CDH17: variants seen among roughly 807,000 people sequenced by gnomAD.
CDH17 encodes the protein cadherin 17, also known as cadherin-17.
Under a neutral mutation model 86.3 loss-of-function variants are expected in CDH17, and 67 were observed. That is an observed-to-expected ratio of 0.78 (90% CI 0.64 to 0.95). The LOEUF (loss-of-function observed/expected upper bound fraction) is 0.95, where lower values mean the gene tolerates loss of function less well. Ranked by LOEUF, CDH17 falls within the 40% of genes least tolerant of loss-of-function variation. The pLI, the probability that CDH17 is intolerant of heterozygous loss-of-function variation, is 0.00. For missense variants in CDH17, 993 were observed against 1,017.6 expected, an observed-to-expected ratio of 0.98 and a Z score of 0.33; for synonymous variants, 367 against 366.4, an observed-to-expected ratio of 1.00 and a Z score of -0.02.
intron 5 of CDH17, among the ~76,000 whole-genome samples, 162 bp downstream of exon 5, chr8:94,176,379 T>C (rs78646891): frequency 0.012 from 1,845 of 152,270 alleles, 24 homozygotes; most frequent in East Asian, 0.031. Context: ...GAGACCATGC[T>C]CTGGAGCAAT....
chr8:94,215,451 C>CA (rs1814178988), intron 1 of CDH17, among the ~76,000 whole-genome samples: 3 of 152,164 alleles, frequency 2.0e-5, no homozygotes, highest in African/African-American at 7.2e-5. Flanking sequence ...AGTCCATAGA[C>CA]AGAGAAAGAA....
intron 15 of CDH17, 46 bp downstream of exon 15, chr8:94,145,882 T>TTCATCATCCATCTATGTTTTTTTCCA: frequency 6.3e-7 from 1 of 1,578,262 alleles, no homozygotes; most frequent in East Asian, 2.2e-5. Context: ...AAAACCTACT[T>TTCATCATCCATCTATGTTTTTTTCCA]TCATCATCCA....
At chr8:94,133,135 G>A (rs1388418510) in intron 15 of CDH17, among the ~76,000 whole-genome samples, 1 of 152,156 alleles carries the variant, frequency 6.6e-6, no homozygotes, top group Non-Finnish European at 1.5e-5. Context: ...GCTTAGGATT[G>A]TCTTGGCAAT....
chr8:94,172,844 A>T (rs1813295696), intron 7 of CDH17, among the ~76,000 whole-genome samples: 1 of 152,056 alleles, frequency 6.6e-6, no homozygotes, highest in African/African-American at 2.4e-5. Context: ...ATCTGAACGG[A>T]GGGGAGAGGC....
intron 15 of CDH17, among the ~76,000 whole-genome samples, chr8:94,137,403 G>A (rs1812550734): frequency 6.6e-6 from 1 of 152,156 alleles, no homozygotes; most frequent in Middle Eastern, 3.2e-3. Context: ...AGACTGCTGT[G>A]CTAACAGTGA....
intron 15 of CDH17, among the ~76,000 whole-genome samples, chr8:94,138,050 T>G (rs1285104163): frequency 1.3e-5 from 2 of 152,100 alleles, no homozygotes; most frequent in African/African-American, 4.8e-5. Context: ...ATATTATACC[T>G]GGTTTTCAGG....
intron 3 of CDH17, 138 bp from the exon 4 acceptor site, chr8:94,177,859 C>A (rs937682390): frequency 1.7e-5 from 13 of 777,750 alleles, no homozygotes; most frequent in South Asian, 5.5e-5. Context: ...TAAAGTGGTA[C>A]CTTCTAAAAG....
chr8:94,168,145 TATATA>T (rs1813200080), intron 9 of CDH17, among the ~76,000 whole-genome samples: 1 of 104,352 alleles, frequency 9.6e-6, no homozygotes, highest in Non-Finnish European at 2.0e-5. Context: ...TATATATATA[TATATA>T]TATATATTTG....
intron 14 of CDH17, among the ~76,000 whole-genome samples, chr8:94,146,429 C>T (rs923099950): frequency 6.6e-6 from 1 of 152,228 alleles, no homozygotes; most frequent in Non-Finnish European, 1.5e-5. Flanking sequence ...AGTTGTGTAA[C>T]TTGCCCAAGG....
chr8:94,201,354 C>G (rs1813908318), intron 1 of CDH17, among the ~76,000 whole-genome samples: 1 of 152,192 alleles, frequency 6.6e-6, no homozygotes, highest in South Asian at 2.1e-4. Flanking sequence ...AACTTCCAAG[C>G]ACCTCAGAAT....
intron 1 of CDH17, among the ~76,000 whole-genome samples, chr8:94,199,072 TA>T (rs1413053833): frequency 0.087 from 1,532 of 17,586 alleles, 14 homozygotes; most frequent in Non-Finnish European, 0.18. Context: ...TATATATATA[TA>T]TATATATATA....
In CDH17 at chr8:94,146,087, C is replaced by T. The variant is rs1216571434; in HGVS notation, c.2008G>A (p.Asp670Asn). The T allele has an allele frequency of 1.2e-6, 2 of 1,612,920 alleles. No homozygotes were observed. The highest frequency in any genetic ancestry group is 2.2e-5 in the East Asian group (1 of 44,814). ...TGGCAGAAGAACAAGCCCGTGTAGT[C>T]CTTGGCTAGCCTGGGAGGGTTGTCA... The part of the protein sequence containing the change: ...VNDNPPRLAK[D>N]YTGLFFCHPL... Residue 670 changes from aspartate (D) to asparagine (N), a missense_variant, in exon 15 of 18, where the codon GAC becomes AAC. Physicochemically the swap from Asp to Asn is conservative, Grantham distance 23. Transcript: ENST00000027335.
chr8:94,143,199 C>T (rs1369547933), intron 15 of CDH17, among the ~76,000 whole-genome samples: 1 of 152,178 alleles, frequency 6.6e-6, no homozygotes, highest in African/African-American at 2.4e-5. Flanking sequence ...GGCATGAAAA[C>T]AACATTCATT....
Position 94,189,287 on chromosome 8 carries a change from T to C in CDH17, c.52-2A>G, listed in dbSNP as rs1195908555. 1.9e-6 allele frequency: 3 copies of C among 1,596,134 alleles called. No homozygotes were observed. In the Admixed American group the frequency reaches 5.5e-5, roughly 29 times the overall value. ...CCCCTCTTGGCCATATCCAGTTGCC[T>C]GTTAAAAAAGAAAGAGAAAATTAGC... On this transcript the variant is annotated splice_acceptor_variant, in intron 2 of 17. Coordinates refer to ENST00000027335, the MANE Select transcript of CDH17 (RefSeq NM_004063.4). LOFTEE classifies it high-confidence loss of function.
intron 11 of CDH17, among the ~76,000 whole-genome samples, chr8:94,160,370 C>T (rs1479302546): frequency 6.6e-6 from 1 of 152,166 alleles, no homozygotes. Context: ...CCAAAGAACG[C>T]AATACCTCAG....
At chr8:94,179,127 C>A (rs1339110919) in intron 3 of CDH17, among the ~76,000 whole-genome samples, 1 of 151,858 alleles carries the variant, frequency 6.6e-6, no homozygotes, top group Non-Finnish European at 1.5e-5. Context: ...CTGAAGTAGC[C>A]TTGAAAGCAA....
At chr8:94,168,987 C>G (rs543962239) in intron 9 of CDH17, among the ~76,000 whole-genome samples, 1 of 152,274 alleles carries the variant, frequency 6.6e-6, no homozygotes, top group East Asian at 1.9e-4. Context: ...TGAACTTCAC[C>G]CAGATTCCAG....
At chr8:94,141,792 C>T (rs1419286588) in intron 15 of CDH17, among the ~76,000 whole-genome samples, 2 of 152,068 alleles carry the variant, frequency 1.3e-5, no homozygotes, top group African/African-American at 4.8e-5. Flanking sequence ...TATCAATTCT[C>T]CTCCAGATTC....
Position 94,176,557 on chromosome 8 carries a change from CCTTA to C in CDH17, c.404_407del (p.Val135GlyfsTer38). ...GCCTGTTACCTGGGCGAGAGTTCTGCCTTACTGAGCCTTCGTACTTTGACTGGAG... is the reference window on the plus strand; with the variant it reads ...GCCTGTTACCTGGGCGAGAGTTCTGCCTGAGCCTTCGTACTTTGACTGGAG... On this transcript the variant is annotated frameshift_variant, in exon 5 of 18. Coordinates refer to ENST00000027335, the MANE Select transcript of CDH17 (RefSeq NM_004063.4). LOFTEE classifies it high-confidence loss of function. 1 of 1,613,788 alleles carries C rather than the reference CCTTA, an allele frequency of 6.2e-7. No individual in the cohort carries two copies. The highest frequency in any genetic ancestry group is 8.5e-7 in the Non-Finnish European group (1 of 1,179,760).
Sources: allele counts gnomAD v4.1 joint callset (sites outside exome capture counted in the v4.1 genomes callset), GRCh38; gene constraint gnomAD v4.1.1; transcripts MANE v1.5; gene names NCBI Gene and HGNC (gene_info 2026-07-23, HGNC 2026-07-21).